The following SLC9C1 variants were observed in gnomAD, a reference collection of about 807,000 sequenced individuals.
The protein encoded by SLC9C1 is solute carrier family 9 member C1, also known as sodium/hydrogen exchanger 10.
In SLC9C1, 97 loss-of-function variants were observed where a neutral mutation model predicts 140.9. That is an observed-to-expected ratio of 0.69 (90% CI 0.58 to 0.82). SLC9C1 has a LOEUF of 0.82. SLC9C1 is among the 40% of genes least tolerant of loss of function. The probability of loss-of-function intolerance (pLI) is 0.00; values close to 1 mark genes in which losing one functional copy is unlikely to be tolerated. For synonymous variants in SLC9C1, 440 were observed against 442.6 expected (o/e 0.99, Z 0.07); for missense variants, 1,340 against 1,389.3 (o/e 0.96, Z 0.56).
chr3:112,284,985 C>CTTTTTT lies in SLC9C1; in HGVS notation c.88+1713_88+1718dup, dbSNP rs61428176. 5.2e-3 allele frequency among the ~76,000 whole-genome samples: 537 copies of CTTTTTT among 103,846 alleles called. 11 individuals are homozygous for CTTTTTT. Among genetic ancestry groups the CTTTTTT allele is most frequent in the East Asian group, 9.2e-3 (31 of 3,374 alleles). The allele number at this position is 103,846 out of a possible 152,430, so 68.1% of individuals were successfully genotyped here. On this transcript the variant is annotated intron_variant, in intron 2 of 28. Coordinates refer to ENST00000305815, the MANE Select transcript of SLC9C1 (RefSeq NM_183061.3). The stretch of plus-strand genomic sequence containing the variant: ...ATTATTAGAAAAAAATACAATTTTT[C>CTTTTTT]TTTTTTTTTTTTTTTTTTTGAGACA...
At chr3:112,217,380 G>GA (rs2078409813) in intron 15 of SLC9C1, 62 bp downstream of exon 15, 1 of 1,494,514 alleles carries the variant, frequency 6.7e-7, no homozygotes, top group African/African-American at 1.4e-5. Flanking sequence ...CATTTTAAAA[G>GA]AAAAAACAGG....
At chr3:112,165,754 A>G (rs2077116277) in intron 26 of SLC9C1, among the ~76,000 whole-genome samples, 2 of 152,280 alleles carry the variant, frequency 1.3e-5, no homozygotes, top group East Asian at 1.9e-4. Flanking sequence ...CCATTCTCAG[A>G]TGTCCAGCTG....
chr3:112,268,791 C>T (rs1019988762), intron 7 of SLC9C1, among the ~76,000 whole-genome samples: 1 of 152,104 alleles, frequency 6.6e-6, no homozygotes, highest in Non-Finnish European at 1.5e-5. Context: ...GAATATACAC[C>T]ATTGTCTTAT....
intron 12 of SLC9C1, among the ~76,000 whole-genome samples, chr3:112,235,415 T>C (rs1194870312): frequency 6.6e-6 from 1 of 151,298 alleles, no homozygotes; most frequent in Non-Finnish European, 1.5e-5. Context: ...TCATGTCATC[T>C]GCAAACAGGG....
At chr3:112,174,577 G>A (rs1422139595) in intron 23 of SLC9C1, among the ~76,000 whole-genome samples, 1 of 152,202 alleles carries the variant, frequency 6.6e-6, no homozygotes, top group African/African-American at 2.4e-5. Flanking sequence ...ATGCGCAGTT[G>A]TGGATGGAGC....
intron 11 of SLC9C1, among the ~76,000 whole-genome samples, chr3:112,241,994 C>T (rs1397542113): frequency 6.6e-6 from 1 of 152,102 alleles, no homozygotes; most frequent in African/African-American, 2.4e-5. Flanking sequence ...TTATAAAAGT[C>T]CTAGAAGAAA....
chr3:112,199,714 C>T (rs1033557095), intron 19 of SLC9C1, among the ~76,000 whole-genome samples: 1 of 151,946 alleles, frequency 6.6e-6, no homozygotes, highest in African/African-American at 2.4e-5. Context: ...TAGGTAGCTT[C>T]GTTTCTAGGA....
At chr3:112,258,257 C>T (rs2079667448) in intron 10 of SLC9C1, among the ~76,000 whole-genome samples, 1 of 152,152 alleles carries the variant, frequency 6.6e-6, no homozygotes, top group African/African-American at 2.4e-5. Flanking sequence ...CTCATTGCAG[C>T]ACTATTCACA....
At chr3:112,225,787 A>G (rs1225129543) in intron 13 of SLC9C1, among the ~76,000 whole-genome samples, 1 of 152,136 alleles carries the variant, frequency 6.6e-6, no homozygotes, top group Non-Finnish European at 1.5e-5. Context: ...AGCTATACTT[A>G]TAACTGATAA....
intron 1 of SLC9C1, among the ~76,000 whole-genome samples, chr3:112,288,228 A>G: frequency 6.6e-6 from 1 of 152,288 alleles, no homozygotes; most frequent in East Asian, 1.9e-4. Context: ...GAAAATAAAT[A>G]CATGTTTATT....
chr3:112,196,055 C>G (rs1365775963), intron 20 of SLC9C1, among the ~76,000 whole-genome samples: 2 of 152,064 alleles, frequency 1.3e-5, no homozygotes, highest in African/African-American at 4.8e-5. Context: ...AGCAGGACTT[C>G]CTTTTGCATT....
At position 112,286,883 on chromosome 3, in the gene SLC9C1, G is replaced by T; in HGVS notation, c.-87-5C>A. 1.3e-6 allele frequency: 1 copy of T among 767,826 alleles called. No homozygotes were observed. Among genetic ancestry groups the T allele is most frequent in the Non-Finnish European group, 1.9e-6 (1 of 517,108 alleles). The allele number at this position is 767,826 out of a possible 1,614,324, so 47.6% of individuals were successfully genotyped here. On this transcript the variant is annotated splice_polypyrimidine_tract_variant and splice_region_variant and intron_variant, in intron 1 of 28. Coordinates refer to ENST00000305815, the MANE Select transcript of SLC9C1 (RefSeq NM_183061.3). ...TTTTTCACAGTCCATCTGAATCTAA[G>T]AAACATAAGATTTGCCTTCTTGGTG... is the stretch of plus-strand genomic sequence containing the variant.
intron 10 of SLC9C1, among the ~76,000 whole-genome samples, chr3:112,254,980 C>T (rs1290798840): frequency 6.6e-6 from 1 of 151,816 alleles, no homozygotes; most frequent in Non-Finnish European, 1.5e-5. Context: ...TTTTTAAAAA[C>T]ACAAAGAAGG....
chr3:112,173,076 CT>C (rs996515964), intron 23 of SLC9C1, among the ~76,000 whole-genome samples: 14 of 151,954 alleles, frequency 9.2e-5, no homozygotes, highest in African/African-American at 3.4e-4. Flanking sequence ...CACTGGAAAG[CT>C]TTTTTTCCTC....
intron 26 of SLC9C1, among the ~76,000 whole-genome samples, chr3:112,159,080 G>A (rs144112571): frequency 6.6e-6 from 1 of 151,484 alleles, no homozygotes; most frequent in East Asian, 1.9e-4. Flanking sequence ...TCCCTGAGGT[G>A]TGTCATTAGA....
intron 13 of SLC9C1, among the ~76,000 whole-genome samples, chr3:112,223,706 A>T (rs2078604107): frequency 6.6e-6 from 1 of 152,132 alleles, no homozygotes; most frequent in South Asian, 2.1e-4. Flanking sequence ...TCAAAATACA[A>T]CAGCTATTAG....
chr3:112,253,344 C>G (rs1586874), intron 10 of SLC9C1, among the ~76,000 whole-genome samples: 45,001 of 151,954 alleles, frequency 0.3, 7,221 homozygotes, highest in East Asian at 0.43. Flanking sequence ...CTACAGCCAG[C>G]ACTCAAGTAG....
intron 10 of SLC9C1, among the ~76,000 whole-genome samples, chr3:112,250,088 G>A (rs1186418601): frequency 1.4e-5 from 2 of 138,974 alleles, no homozygotes; most frequent in South Asian, 2.2e-4. Flanking sequence ...ACAGTCCCCA[G>A]TGTGTGATGT....
chr3:112,240,929 TTTAAC>T (rs1171352127), intron 11 of SLC9C1, among the ~76,000 whole-genome samples: 2 of 151,924 alleles, frequency 1.3e-5, no homozygotes, highest in Non-Finnish European at 2.9e-5. Flanking sequence ...ATAAAAACAA[TTTAAC>T]TCATGGACAT....
Sources: allele counts gnomAD v4.1 joint callset (sites outside exome capture counted in the v4.1 genomes callset), GRCh38; gene constraint gnomAD v4.1.1; transcripts MANE v1.5; gene names NCBI Gene and HGNC (gene_info 2026-07-23, HGNC 2026-07-21).